C3orf70: variants seen among roughly 807,000 people sequenced by gnomAD.
C3orf70 encodes the protein UPF0524 protein C3orf70.
In C3orf70, 15 loss-of-function variants were observed where a neutral mutation model predicts 20.7. The observed-to-expected ratio is 0.72, with a 90% CI of 0.48 to 1.11. C3orf70 has a LOEUF of 1.11. Among genes scored for constraint, C3orf70 ranks in the 50% most tolerant of loss-of-function variants. C3orf70 has a pLI of 0.00. For synonymous variants in C3orf70, 161 were observed against 125.7 expected, an observed-to-expected ratio of 1.28 and a Z score of -1.88; for missense variants, 332 against 317.6, an observed-to-expected ratio of 1.05 and a Z score of -0.34.
At chr3:185,089,105 C>G (rs111324643) in intron 1 of C3orf70, among the ~76,000 whole-genome samples, 3,675 of 152,268 alleles carry the variant, frequency 0.024, 69 homozygotes, top group East Asian at 0.095. Context: ...GAAAGAACAC[C>G]TGCCCAGTAA....
At chr3:185,149,681 G>A (rs369933105) in intron 1 of C3orf70, among the ~76,000 whole-genome samples, 24 of 152,292 alleles carry the variant, frequency 1.6e-4, no homozygotes, top group Admixed American at 5.9e-4. Context: ...AGCATAGAGA[G>A]AATTAATTCC....
At chr3:185,147,919 C>T (rs1233719871) in intron 1 of C3orf70, among the ~76,000 whole-genome samples, 1 of 152,156 alleles carries the variant, frequency 6.6e-6, no homozygotes, top group Admixed American at 6.5e-5. Flanking sequence ...AATAATTAGC[C>T]TGCTGAAAAC....
Position 185,077,857 on chromosome 3 carries a change from G to C in C3orf70, c.*5150C>G, listed in dbSNP as rs1355252838. On this transcript the variant is annotated 3_prime_UTR_variant, in exon 2 of 2. Transcript: ENST00000335012. ...GCCAGAGTTCTGGGAGTTATCATGAGTGGTGACTCTGAGTAGATACTGCGG... is the reference window on the plus strand; with the variant it reads ...GCCAGAGTTCTGGGAGTTATCATGACTGGTGACTCTGAGTAGATACTGCGG... Among the ~76,000 whole-genome samples, 2 of 151,196 alleles carry C rather than the reference G, an allele frequency of 1.3e-5. No homozygotes were observed. Among genetic ancestry groups the C allele is most frequent in the East Asian group, 3.9e-4 (2 of 5,126 alleles).
chr3:185,083,354 C>T lies in C3orf70; in HGVS notation c.406G>A (p.Val136Ile), dbSNP rs1715394062. 2 of 1,614,134 alleles carry T rather than the reference C, an allele frequency of 1.2e-6. No individual in the cohort carries two copies. Among genetic ancestry groups the T allele is most frequent in the African/African-American group, 2.7e-5 (2 of 75,034 alleles). ...ISDLFIDNYQ[V>I]KCINGKMCYV... ...CACATCTTCCCATTAATACATTTAA[C>T]CTGATAGTTGTCAATAAAAAGGTCT... Residue 136 changes from valine to isoleucine, a missense_variant, in exon 2 of 2, where the codon GTT becomes ATT. Val to Ile is a conservative substitution (Grantham distance 29). Transcript: ENST00000335012.
At chr3:185,116,501 C>G (rs1267695416) in intron 1 of C3orf70, among the ~76,000 whole-genome samples, 1 of 152,188 alleles carries the variant, frequency 6.6e-6, no homozygotes, top group African/African-American at 2.4e-5. Flanking sequence ...AAGAGCTATC[C>G]TCTACATTCT....
At chr3:185,100,472 G>T (rs1715799859) in intron 1 of C3orf70, among the ~76,000 whole-genome samples, 1 of 152,224 alleles carries the variant, frequency 6.6e-6, no homozygotes, top group East Asian at 1.9e-4. Context: ...AATTTAGGCA[G>T]AAAAAGAAAT....
intron 1 of C3orf70, among the ~76,000 whole-genome samples, chr3:185,135,758 T>C (rs1050066670): frequency 6.6e-6 from 1 of 152,102 alleles, no homozygotes; most frequent in African/African-American, 2.4e-5. Context: ...ATGTATCCCA[T>C]AAATATATAC....
rs141364946 is a variant in C3orf70 at position 185,100,035 on chromosome 3, G to A, written c.197-16472C>T. Among the ~76,000 whole-genome samples the A allele has an allele frequency of 3.0e-3, 462 of 152,200 alleles. 3 individuals carry two copies. Among genetic ancestry groups the A allele is most frequent in the African/African-American group, 0.01 (429 of 41,530 alleles). ...CTAAATGTATATGCACCCAACACAG[G>A]AGCACCCAGATTCACAAAGCAAGTT... On this transcript the variant is annotated intron_variant, in intron 1 of 1. Coordinates refer to ENST00000335012, the MANE Select transcript of C3orf70 (RefSeq NM_001025266.3).
intron 1 of C3orf70, among the ~76,000 whole-genome samples, chr3:185,116,353 G>A (rs1388224742): frequency 2.0e-5 from 3 of 148,082 alleles, no homozygotes; most frequent in East Asian, 2.0e-4. Context: ...ATGAGTGAAC[G>A]AAAAAACAAA....
At chr3:185,145,723 T>C (rs1716861051) in intron 1 of C3orf70, among the ~76,000 whole-genome samples, 1 of 152,236 alleles carries the variant, frequency 6.6e-6, no homozygotes, top group Non-Finnish European at 1.5e-5. Flanking sequence ...ACGCGTGACC[T>C]TGGGCAAATT....
chr3:185,093,063 T>A (rs1715628374), intron 1 of C3orf70, among the ~76,000 whole-genome samples: 1 of 151,676 alleles, frequency 6.6e-6, no homozygotes, highest in African/African-American at 2.4e-5. Context: ...GCCTGGGATC[T>A]GAAGTGTTTC....
chr3:185,086,348 TC>T (rs1450776222), intron 1 of C3orf70, among the ~76,000 whole-genome samples: 1 of 152,188 alleles, frequency 6.6e-6, no homozygotes, highest in Non-Finnish European at 1.5e-5. Context: ...CCCACGAACT[TC>T]ATGTTGAAAC....
chr3:185,143,113 G>A (rs181167404), intron 1 of C3orf70, among the ~76,000 whole-genome samples: 47 of 152,286 alleles, frequency 3.1e-4, no homozygotes, highest in Non-Finnish European at 4.4e-5. Flanking sequence ...TGTGAGTACA[G>A]TATTGTGGTT....
rs964244248 is a variant in C3orf70 at position 185,148,770 on chromosome 3, T to G, written c.196+3858A>C. Among the ~76,000 whole-genome samples the G allele has an allele frequency of 2.6e-5, 4 of 152,228 alleles. No homozygotes were observed. The South Asian group carries it at 8.3e-4, about 32-fold the overall frequency. On this transcript the variant is annotated intron_variant, in intron 1 of 1. Coordinates refer to ENST00000335012, the MANE Select transcript of C3orf70 (RefSeq NM_001025266.3). Reference sequence around the variant, plus strand: ...TTGACAGTGATACCAACAGAACATATGATGCTTTCCTCCCAGGCAACATCC... The same window carrying G: ...TTGACAGTGATACCAACAGAACATAGGATGCTTTCCTCCCAGGCAACATCC...
chr3:185,132,202 C>T (rs1375923751), intron 1 of C3orf70, among the ~76,000 whole-genome samples: 1 of 152,072 alleles, frequency 6.6e-6, no homozygotes, highest in Admixed American at 6.6e-5. Flanking sequence ...ATTTGTGAAA[C>T]ATAAAAATGA....
chr3:185,140,281 A>T lies in C3orf70; in HGVS notation c.196+12347T>A, dbSNP rs74987685. Among the ~76,000 whole-genome samples the T allele has an allele frequency of 2.1e-3, 314 of 152,352 alleles. 1 individual carries two copies. Among genetic ancestry groups the T allele is most frequent in the African/African-American group, 6.7e-3 (279 of 41,588 alleles). On this transcript the variant is annotated intron_variant, in intron 1 of 1. Coordinates refer to ENST00000335012, the MANE Select transcript of C3orf70 (RefSeq NM_001025266.3). ...AATAAAGGTGGGGGAAGCCTCTGCTAAGAGGATGAAAAGATAAACTACAGA... is the reference window on the plus strand; with the variant it reads ...AATAAAGGTGGGGGAAGCCTCTGCTTAGAGGATGAAAAGATAAACTACAGA...
At chr3:185,124,882 C>G (rs1043158265) in intron 1 of C3orf70, among the ~76,000 whole-genome samples, 7 of 152,130 alleles carry the variant, frequency 4.6e-5, no homozygotes, top group Admixed American at 1.3e-4. Context: ...AAAGATTATA[C>G]AGATGGCAAA....
At chr3:185,086,839 A>T (rs1196711515) in intron 1 of C3orf70, among the ~76,000 whole-genome samples, 1 of 152,240 alleles carries the variant, frequency 6.6e-6, no homozygotes, top group East Asian at 1.9e-4. Context: ...GCCACATAAA[A>T]AAACAACCTT....
chr3:185,141,716 T>C (rs1171840107), intron 1 of C3orf70, among the ~76,000 whole-genome samples: 2 of 151,770 alleles, frequency 1.3e-5, no homozygotes, highest in African/African-American at 2.4e-5. Flanking sequence ...AAATGAAGAA[T>C]AGGTTAGTGA....
Sources: allele counts gnomAD v4.1 joint callset (sites outside exome capture counted in the v4.1 genomes callset), GRCh38; gene constraint gnomAD v4.1.1; transcripts MANE v1.5; gene names NCBI Gene and HGNC (gene_info 2026-07-23, HGNC 2026-07-21).